CLIP2: variants seen among roughly 807,000 people sequenced by gnomAD.
The protein encoded by CLIP2 is CAP-Gly domain containing linker protein 2.
Under a neutral mutation model 111.7 loss-of-function variants are expected in CLIP2, and 41 were observed. That is an observed-to-expected ratio of 0.37 (90% CI 0.29 to 0.48). The LOEUF is 0.48. Ranked by LOEUF, CLIP2 falls within the 20% of genes least tolerant of loss-of-function variation. The pLI is 0.99. For synonymous variants in CLIP2, 660 were observed against 644.2 expected, an observed-to-expected ratio of 1.02 and a Z score of -0.37; for missense variants, 1,160 against 1,422.1, an observed-to-expected ratio of 0.82 and a Z score of 2.96.
intron 2 of CLIP2, among the ~76,000 whole-genome samples, chr7:74,335,842 A>C (rs1789438300): frequency 6.7e-6 from 1 of 150,088 alleles, no homozygotes. Flanking sequence ...TTCCGGGTTC[A>C]TGCCATTCTC....
At chr7:74,360,743 G>T (rs1035226287) in intron 7 of CLIP2, among the ~76,000 whole-genome samples, 1 of 152,056 alleles carries the variant, frequency 6.6e-6, no homozygotes, top group East Asian at 1.9e-4. Flanking sequence ...TAGAGATGGG[G>T]TTTTGGCACA....
At chr7:74,369,600 T>TA (rs1554311483) in intron 8 of CLIP2, among the ~76,000 whole-genome samples, 2 of 151,916 alleles carry the variant, frequency 1.3e-5, no homozygotes, top group African/African-American at 4.8e-5. Flanking sequence ...CTCACACCTG[T>TA]AATCCCAGCA....
chr7:74,351,948 T>C (rs562341), intron 3 of CLIP2, among the ~76,000 whole-genome samples: 94,261 of 151,694 alleles, frequency 0.62, 30,592 homozygotes, highest in Middle Eastern at 0.75. Context: ...AGGACAGAGG[T>C]GAAATGGTTG....
At chr7:74,327,872 G>A (rs1554730832) in intron 2 of CLIP2, among the ~76,000 whole-genome samples, 3 of 152,190 alleles carry the variant, frequency 2.0e-5, no homozygotes, top group Admixed American at 6.5e-5. Context: ...TCTTTCCAGG[G>A]TAAGCCATCC....
intron 10 of CLIP2, among the ~76,000 whole-genome samples, chr7:74,377,459 A>G (rs1790825612): frequency 6.6e-6 from 1 of 152,200 alleles, no homozygotes; most frequent in Admixed American, 6.5e-5. Flanking sequence ...TTCTTCCTTC[A>G]GCTGAACCCA....
intron 13 of CLIP2, among the ~76,000 whole-genome samples, chr7:74,390,226 G>A (rs74474109): frequency 0.12 from 4,960 of 40,354 alleles, 127 homozygotes; most frequent in Non-Finnish European, 0.18. Context: ...AGAAAGAAAG[G>A]ATTAATGCCT....
intron 3 of CLIP2, among the ~76,000 whole-genome samples, chr7:74,351,368 G>A (rs571965129): frequency 4.0e-4 from 58 of 144,142 alleles, no homozygotes; most frequent in African/African-American, 1.2e-3. Context: ...TGGGAGGATC[G>A]CTTGTCCAGG....
At chr7:74,380,996 T>C (rs782088254) in intron 11 of CLIP2, 133 bp downstream of exon 11, 1 of 826,976 alleles carries the variant, frequency 1.2e-6, no homozygotes, top group Non-Finnish European at 2.1e-6. Flanking sequence ...TGCTGTGAGC[T>C]ATGTACTCCT....
rs186959361 is a variant in CLIP2, at chr7:74,341,367, T to G, written c.678+2363T>G. 7.3e-5 allele frequency among the ~76,000 whole-genome samples: 11 copies of G among 151,492 alleles called. No individual in the cohort carries two copies. The East Asian group carries it at 2.2e-3, about 30-fold the overall frequency. On this transcript the variant is annotated intron_variant, in intron 3 of 16. Transcript: ENST00000223398. ...CACGCCCTGCTAATTTTTTGTATTTTTAGTAGAGATAGGGTTTCACCATGT... is the reference window on the plus strand; with the variant it reads ...CACGCCCTGCTAATTTTTTGTATTTGTAGTAGAGATAGGGTTTCACCATGT...
At position 74,404,084 on chromosome 7, in the gene CLIP2, C is replaced by T. The variant is rs1018141700; in HGVS notation, c.*236C>T. 1.1e-5 allele frequency: 6 copies of T among 521,802 alleles called. No individual in the cohort carries two copies. Among genetic ancestry groups the T allele is most frequent in the South Asian group, 2.1e-5 (1 of 47,538 alleles). 32.3% of individuals were successfully genotyped at this position (521,802 alleles called of 1,614,324 possible). A position where few individuals can be genotyped will look rare whatever the true frequency, so the allele number is the denominator to read the frequency against. Reference sequence around the variant, plus strand: ...TGAACGGTACAGCCCCGGCCTGACCCGGGGACCTTCAGCCTGGACACCCGG... The same window carrying T: ...TGAACGGTACAGCCCCGGCCTGACCTGGGGACCTTCAGCCTGGACACCCGG... On this transcript the variant is annotated 3_prime_UTR_variant, in exon 17 of 17. Coordinates refer to ENST00000223398, the MANE Select transcript of CLIP2 (RefSeq NM_003388.5).
chr7:74,323,893 A>G (rs1377712362), intron 2 of CLIP2, among the ~76,000 whole-genome samples: 1 of 152,202 alleles, frequency 6.6e-6, no homozygotes, highest in African/African-American at 2.4e-5. Flanking sequence ...GGACAACAAA[A>G]TCGCCTAATG....
chr7:74,322,490 C>A (rs749506377), intron 2 of CLIP2, among the ~76,000 whole-genome samples: 16 of 151,888 alleles, frequency 1.1e-4, no homozygotes, highest in Non-Finnish European at 1.6e-4. Context: ...TGCCTGTAAT[C>A]CCAGCTACCC....
At chr7:74,356,720 C>T in intron 5 of CLIP2, 97 bp downstream of exon 5, 1 of 1,152,672 alleles carries the variant, frequency 8.7e-7, no homozygotes, top group Non-Finnish European at 1.2e-6. Flanking sequence ...CTGACTTACT[C>T]TAGTTCCAGT....
chr7:74,356,525 G>A lies in CLIP2; in HGVS notation c.919G>A (p.Gly307Ser). The A allele has an allele frequency of 6.2e-7, 1 of 1,614,174 alleles. No homozygotes were observed. Among genetic ancestry groups the A allele is most frequent in the Non-Finnish European group, 8.5e-7 (1 of 1,180,036 alleles). Residue 307 changes from glycine to serine, a missense_variant, in exon 5 of 17, where the codon GGT becomes AGT. Gly to Ser is a moderately conservative substitution (Grantham distance 56). Around this residue, in one of 5 missense-constraint regions of CLIP2, gnomAD observed 110 missense variants for 185.2 expected, o/e 0.59. Coordinates refer to ENST00000223398, the MANE Select transcript of CLIP2 (RefSeq NM_003388.5). ...CAAGAAGACCAAGCGTATGGCCATG[G>A]GTGTGTCAGCACTGACCCACAGTCC... is the stretch of plus-strand genomic sequence containing the variant. ...KAKKTKRMAM[G>S]VSALTHSPSS...
intron 1 of CLIP2, among the ~76,000 whole-genome samples, chr7:74,310,240 G>A (rs1370863886): frequency 6.7e-6 from 1 of 148,882 alleles, no homozygotes; most frequent in Non-Finnish European, 1.5e-5. Flanking sequence ...AAATAAAAAT[G>A]AAGACTGGTC....
intron 2 of CLIP2, among the ~76,000 whole-genome samples, chr7:74,318,684 G>T (rs1788857490): frequency 6.6e-6 from 1 of 152,174 alleles, no homozygotes; most frequent in South Asian, 2.1e-4. Context: ...CTGCACTCCA[G>T]CCTGGGCTAC....
chr7:74,319,775 C>G (rs1164961474), intron 2 of CLIP2, among the ~76,000 whole-genome samples: 1 of 150,814 alleles, frequency 6.6e-6, no homozygotes, highest in Admixed American at 6.6e-5. Context: ...GAGCCATGAT[C>G]ACACCGCTGC....
intron 1 of CLIP2, among the ~76,000 whole-genome samples, chr7:74,291,923 CTTT>C (rs782577666): frequency 3.0e-5 from 4 of 132,862 alleles, no homozygotes; most frequent in Admixed American, 7.7e-5. Flanking sequence ...ATCCTGCCCT[CTTT>C]TTTTTTTTTT....
chr7:74,338,530 G>T lies in CLIP2; in HGVS notation c.204G>T (p.Ala68=). ...AAAPEKPGPK[A]AEVGDDFLGD... Reference sequence around the variant, plus strand: ...CCCCCGAGAAGCCGGGCCCCAAGGCGGCGGAAGTGGGGGATGACTTCCTGG... The same window carrying T: ...CCCCCGAGAAGCCGGGCCCCAAGGCTGCGGAAGTGGGGGATGACTTCCTGG... Residue 68 remains alanine, a synonymous_variant, in exon 3 of 17, where the codon GCG becomes GCT. Coordinates refer to ENST00000223398, the MANE Select transcript of CLIP2 (RefSeq NM_003388.5). This position sits in a 1 kb window ranked among gnomAD's most constrained non-coding sequence, Gnocchi z 4.3. 6.2e-7 allele frequency: 1 copy of T among 1,604,464 alleles called. No homozygotes were observed.
Sources: gnomAD v4.1 joint callset for allele counts (sites outside exome capture counted in the v4.1 genomes callset) on GRCh38, gnomAD v4.1.1 for gene constraint, gnomAD v4.1.1 regional missense constraint, Gnocchi (gnomAD v3.1) non-coding constraint, MANE v1.5 for transcripts, NCBI Gene and HGNC (gene_info 2026-07-23, HGNC 2026-07-21) for gene names.